ZFHX3: variants seen among roughly 807,000 people sequenced by gnomAD.
The protein encoded by ZFHX3 is zinc finger homeobox protein 3.
Under a neutral mutation model 279.1 loss-of-function variants are expected in ZFHX3, and 42 were observed. The observed-to-expected ratio is 0.15, with a 90% CI of 0.12 to 0.19. ZFHX3 has a LOEUF of 0.19. ZFHX3 is among the 10% of genes least tolerant of loss of function. The pLI, the probability that ZFHX3 is intolerant of heterozygous loss-of-function variation, is 1.00. For missense variants in ZFHX3, 4,981 were observed against 4,754.0 expected (o/e 1.05, Z -1.40); for synonymous variants, 2,293 against 1,957.8 (o/e 1.17, Z -4.52).
intron 5 of ZFHX3, among the ~76,000 whole-genome samples, chr16:73,166,393 T>G (rs1021968247): frequency 4.6e-5 from 7 of 152,110 alleles, no homozygotes; most frequent in African/African-American, 1.7e-4. Flanking sequence ...TGCAATGAGA[T>G]TTTTTAGAAT....
At chr16:73,065,487 G>A (rs1965736907) in intron 8 of ZFHX3, among the ~76,000 whole-genome samples, 1 of 151,162 alleles carries the variant, frequency 6.6e-6, no homozygotes, top group Non-Finnish European at 1.5e-5. Context: ...AATACCTAGC[G>A]CCATAATTTT....
At chr16:73,532,278 C>A (rs999373775) in intron 2 of ZFHX3, among the ~76,000 whole-genome samples, 1 of 152,098 alleles carries the variant, frequency 6.6e-6, no homozygotes, top group African/African-American at 2.4e-5. Context: ...GAATAAGTCT[C>A]ATGAGACCTG....
At chr16:72,883,858 C>G (rs1310094903) in intron 4 of ZFHX3, among the ~76,000 whole-genome samples, 1 of 152,066 alleles carries the variant, frequency 6.6e-6, no homozygotes, top group Non-Finnish European at 1.5e-5. Context: ...GTTCCTATAC[C>G]TTCCCCAAAC....
In ZFHX3 at chr16:73,345,034, C is replaced by T. The variant is rs77137714; in HGVS notation, c.-1290-26698G>A. On this transcript the variant is annotated intron_variant, in intron 3 of 17. Transcript: ENST00000641206. ...CTTGCCCTGTATCCCTTGTCCTGTT[C>T]ATGGAACTTCTCAGCCTTACTCAGC... 9.6e-3 allele frequency among the ~76,000 whole-genome samples: 1,456 copies of T among 152,160 alleles called. 56 individuals are homozygous for T. The highest frequency in any genetic ancestry group is 0.061 in the East Asian group (314 of 5,152).
intron 5 of ZFHX3, among the ~76,000 whole-genome samples, chr16:73,215,101 G>A (rs1407430897): frequency 2.0e-5 from 3 of 152,080 alleles, no homozygotes; most frequent in Non-Finnish European, 4.4e-5. Flanking sequence ...TTAAAAATGT[G>A]AAACTAATTA....
intron 3 of ZFHX3, among the ~76,000 whole-genome samples, chr16:73,374,804 T>C (rs2016694099): frequency 6.6e-6 from 1 of 152,218 alleles, no homozygotes; most frequent in Non-Finnish European, 1.5e-5. Flanking sequence ...ATTTTGCAGA[T>C]TGCATTCTTA....
At chr16:72,875,116 C>T (rs1251670757) in intron 4 of ZFHX3, among the ~76,000 whole-genome samples, 1 of 152,214 alleles carries the variant, frequency 6.6e-6, no homozygotes, top group Non-Finnish European at 1.5e-5. Flanking sequence ...GCTCATACAA[C>T]TCTAGCTGAG....
At chr16:73,566,538 C>T (rs1334059107) in intron 2 of ZFHX3, among the ~76,000 whole-genome samples, 1 of 152,136 alleles carries the variant, frequency 6.6e-6, no homozygotes, top group African/African-American at 2.4e-5. Context: ...GACTCATCAT[C>T]CCAATCTTTC....
chr16:72,835,252 T>G (rs1191774972), intron 4 of ZFHX3, among the ~76,000 whole-genome samples: 3 of 152,294 alleles, frequency 2.0e-5, no homozygotes, highest in Non-Finnish European at 4.4e-5. Context: ...AAATCAGGTT[T>G]GAAATATTTA....
chr16:73,516,788 C>G (rs1417721231), intron 2 of ZFHX3, among the ~76,000 whole-genome samples: 1 of 152,210 alleles, frequency 6.6e-6, no homozygotes, highest in African/African-American at 2.4e-5. Flanking sequence ...GTCTGACACA[C>G]AGTAGCTGCA....
rs144813755 is a variant in ZFHX3, at chr16:73,867,686, G to A, written c.-1608+23965C>T. On this transcript the variant is annotated intron_variant, in intron 1 of 17. Transcript: ENST00000641206. ...TAAGAAGGTATAGTGGACACCTATCGTTTTTCTGGGCATCTGATGTACCCA... is the reference window on the plus strand; with the variant it reads ...TAAGAAGGTATAGTGGACACCTATCATTTTTCTGGGCATCTGATGTACCCA... Among the ~76,000 whole-genome samples, 536 of 152,256 alleles carry A rather than the reference G, an allele frequency of 3.5e-3. 2 individuals carry two copies. Among genetic ancestry groups the A allele is most frequent in the African/African-American group, 0.012 (504 of 41,542 alleles).
chr16:73,416,304 A>G (rs902539553), intron 3 of ZFHX3, among the ~76,000 whole-genome samples: 1 of 151,994 alleles, frequency 6.6e-6, no homozygotes, highest in Admixed American at 6.6e-5. Context: ...GAAAATATTT[A>G]CAGAATCCTT....
chr16:73,140,788 A>C (rs1966845865), intron 6 of ZFHX3, among the ~76,000 whole-genome samples: 1 of 152,198 alleles, frequency 6.6e-6, no homozygotes, highest in Non-Finnish European at 1.5e-5. Flanking sequence ...CGGGAGGTGG[A>C]GGTTGCAGTG....
chr16:73,191,722 T>A (rs1419886766), intron 5 of ZFHX3, among the ~76,000 whole-genome samples: 1 of 123,322 alleles, frequency 8.1e-6, no homozygotes, highest in Non-Finnish European at 1.7e-5. Flanking sequence ...AGAGCTGTAT[T>A]TCTTTTTTTT....
chr16:73,657,299 A>G (rs955562914), intron 2 of ZFHX3, among the ~76,000 whole-genome samples: 2 of 152,220 alleles, frequency 1.3e-5, no homozygotes, highest in Non-Finnish European at 2.9e-5. Flanking sequence ...TCTACTAAAA[A>G]TACAAAAATT....
At chr16:73,849,678 T>C (rs328379) in intron 1 of ZFHX3, among the ~76,000 whole-genome samples, 10,415 of 152,300 alleles carry the variant, frequency 0.068, 867 homozygotes, top group African/African-American at 0.2. Context: ...AGTGAATTTG[T>C]CAACATCCTG....
chr16:73,064,261 G>C (rs1965719718), upstream of ZFHX3, among the ~76,000 whole-genome samples: 1 of 152,038 alleles, frequency 6.6e-6, no homozygotes, highest in South Asian at 2.1e-4. Context: ...GGCGCGGCCA[G>C]GGAGGTTCCG....
At chr16:73,871,337 C>T (rs899377516) in intron 1 of ZFHX3, among the ~76,000 whole-genome samples, 6 of 152,214 alleles carry the variant, frequency 3.9e-5, no homozygotes, top group African/African-American at 1.4e-4. Flanking sequence ...TTTAAACCGC[C>T]TGTCCGCAAG....
chr16:73,348,066 C>T (rs1179007616), intron 3 of ZFHX3, among the ~76,000 whole-genome samples: 1 of 152,186 alleles, frequency 6.6e-6, no homozygotes, highest in Non-Finnish European at 1.5e-5. Context: ...GTGTGACCTG[C>T]TTCATTCTCA....
Sources: allele counts gnomAD v4.1 joint callset (sites outside exome capture counted in the v4.1 genomes callset), GRCh38; gene constraint gnomAD v4.1.1; transcripts MANE v1.5; gene names NCBI Gene and HGNC (gene_info 2026-07-23, HGNC 2026-07-21).